DCAKD: variants seen among roughly 807,000 people sequenced by gnomAD.
DCAKD encodes the protein dephospho-CoA kinase domain-containing protein.
In DCAKD, 15 loss-of-function variants were observed where a neutral mutation model predicts 18.7. The observed-to-expected ratio is 0.80, with a 90% CI of 0.54 to 1.24. The LOEUF (loss-of-function observed/expected upper bound fraction) is 1.24, where lower values mean the gene tolerates loss of function less well. DCAKD is among the 50% of genes most tolerant of loss of function. The pLI, the probability that DCAKD is intolerant of heterozygous loss-of-function variation, is 0.00. For synonymous variants in DCAKD, 130 were observed against 133.0 expected (o/e 0.98, Z 0.16); for missense variants, 301 against 322.0 (o/e 0.93, Z 0.50).
chr17:45,034,879 G>C lies in DCAKD; in HGVS notation c.7C>G (p.Leu3Val). Reference protein sequence around the residue: MFLVGLTGGIASG... With the variant: MFVVGLTGGIASG... ...GCAATGCCCCCTGTCAGGCCCACCA[G>C]AAACATCTTCCAGGAAAGAGAGCTG... The change falls in exon 2 of 5, where the codon CTG becomes GTG. Residue 3 changes from leucine (L) to valine (V), a missense_variant. Physicochemically the swap from Leu to Val is conservative, Grantham distance 32 (BLOSUM62 1). Transcript: ENST00000651974. 6.2e-7 allele frequency: 1 copy of C among 1,614,172 alleles called. No homozygotes were observed. The highest frequency in any genetic ancestry group is 8.5e-7 in the Non-Finnish European group (1 of 1,180,022).
At chr17:45,052,652 C>T (rs2053730910), upstream of DCAKD, among the ~76,000 whole-genome samples, 2 of 148,900 alleles carry the variant, frequency 1.3e-5, no homozygotes, top group Non-Finnish European at 3.0e-5. Flanking sequence ...CCCAGGAGTT[C>T]GAGACCAGCC....
upstream of DCAKD, among the ~76,000 whole-genome samples, chr17:45,054,448 A>G (rs1198835286): frequency 6.6e-6 from 1 of 152,000 alleles, no homozygotes; most frequent in African/African-American, 2.4e-5. Flanking sequence ...GGGTTTCACC[A>G]TGCTGGCCAT....
intron 1 of DCAKD, among the ~76,000 whole-genome samples, chr17:45,043,666 T>C (rs114219936): frequency 2.8e-4 from 42 of 152,342 alleles, no homozygotes; most frequent in African/African-American, 9.4e-4. Flanking sequence ...GTGCCCTCCA[T>C]TTAAGTCCTA....
chr17:45,032,222 CAA>C, intron 3 of DCAKD: 2 of 669,178 alleles, frequency 3.0e-6, no homozygotes, highest in Non-Finnish European at 3.7e-6. Context: ...GGAGGCAGCA[CAA>C]AGAGTCCAGA....
intron 1 of DCAKD, 61 bp downstream of exon 1, chr17:45,051,300 T>C (rs1449256600): frequency 6.6e-6 from 1 of 152,226 alleles, no homozygotes; most frequent in Non-Finnish European, 1.5e-5. Flanking sequence ...ACAGAGGAAA[T>C]AACACGTTGC....
At chr17:45,043,457 G>A (rs960052299) in intron 1 of DCAKD, among the ~76,000 whole-genome samples, 17 of 152,132 alleles carry the variant, frequency 1.1e-4, no homozygotes, top group Admixed American at 9.8e-4. Context: ...CAGGCTGGGC[G>A]GTAAGCCAAG....
chr17:45,038,088 T>A (rs1467272759), intron 1 of DCAKD, among the ~76,000 whole-genome samples: 1 of 151,824 alleles, frequency 6.6e-6, no homozygotes, highest in Non-Finnish European at 1.5e-5. Context: ...TTTCTTTTCT[T>A]TTCTTGAGAC....
intron 1 of DCAKD, among the ~76,000 whole-genome samples, chr17:45,039,883 A>G (rs1221567811): frequency 1.3e-5 from 2 of 152,256 alleles, no homozygotes; most frequent in African/African-American, 4.8e-5. Context: ...ACTTGAGGCC[A>G]GGAGTTCGAG....
intron 1 of DCAKD, among the ~76,000 whole-genome samples, chr17:45,042,767 T>C (rs950379177): frequency 5.3e-5 from 8 of 152,234 alleles, no homozygotes; most frequent in Non-Finnish European, 8.8e-5. Flanking sequence ...CCAAGTTCTC[T>C]TCGTGGGCTA....
chr17:45,057,702 C>CA (rs778179170), intron 1 of DCAKD, among the ~76,000 whole-genome samples: 1,600 of 76,668 alleles, frequency 0.021, 26 homozygotes, highest in South Asian at 0.052. Context: ...GACTCCATCT[C>CA]AAAAAAAAAA....
intron 3 of DCAKD, among the ~76,000 whole-genome samples, chr17:45,033,459 C>T (rs1303324092): frequency 2.6e-5 from 4 of 151,974 alleles, no homozygotes; most frequent in South Asian, 2.1e-4. Context: ...AACATGCTCA[C>T]GTTGGATTTT....
At chr17:45,046,130 A>G (rs1211907854) in intron 1 of DCAKD, among the ~76,000 whole-genome samples, 1 of 152,104 alleles carries the variant, frequency 6.6e-6, no homozygotes, top group Non-Finnish European at 1.5e-5. Flanking sequence ...GCCTGGCAAC[A>G]TCAACTATTT....
chr17:45,033,848 G>A, intron 3 of DCAKD: 1 of 1,240,310 alleles, frequency 8.1e-7, no homozygotes, highest in African/African-American at 1.5e-5. Context: ...CAGCTAGAAA[G>A]TCAGGGTTGG....
chr17:45,052,524 C>T (rs1206890341), upstream of DCAKD, among the ~76,000 whole-genome samples: 3 of 152,168 alleles, frequency 2.0e-5, no homozygotes, highest in Non-Finnish European at 4.4e-5. Flanking sequence ...AGCCTCTCAT[C>T]CTGTCTCCTC....
At chr17:45,056,681 G>A (rs1567855454) in intron 1 of DCAKD, among the ~76,000 whole-genome samples, 1 of 152,080 alleles carries the variant, frequency 6.6e-6, no homozygotes, top group Non-Finnish European at 1.5e-5. Context: ...CACCACGTTG[G>A]CCAGGCTGGT....
At chr17:45,050,264 G>A (rs1034343277) in intron 1 of DCAKD, among the ~76,000 whole-genome samples, 25 of 151,186 alleles carry the variant, frequency 1.7e-4, no homozygotes, top group African/African-American at 5.4e-4. Context: ...GGCTGGTCTC[G>A]AACTCCTAAC....
At chr17:45,039,964 A>G (rs1332205122) in intron 1 of DCAKD, among the ~76,000 whole-genome samples, 1 of 152,042 alleles carries the variant, frequency 6.6e-6, no homozygotes, top group African/African-American at 2.4e-5. Context: ...GTGGTGGTGC[A>G]TGCCTGTAAT....
chr17:45,034,453 G>A (rs1442446833), intron 2 of DCAKD, 63 bp from the exon 3 acceptor site: 5 of 1,574,340 alleles, frequency 3.2e-6, no homozygotes, highest in Admixed American at 3.5e-5. Flanking sequence ...GAGGACCTCA[G>A]TGACCAGGGG....
At chr17:45,027,517 C>A (rs903935722) in intron 4 of DCAKD, among the ~76,000 whole-genome samples, 2 of 152,240 alleles carry the variant, frequency 1.3e-5, no homozygotes, top group Non-Finnish European at 2.9e-5. Context: ...AAGAGTTATA[C>A]ACCCACACCC....
Sources: allele counts gnomAD v4.1 joint callset (sites outside exome capture counted in the v4.1 genomes callset), GRCh38; gene constraint gnomAD v4.1.1; transcripts MANE v1.5; gene names NCBI Gene and HGNC (gene_info 2026-07-23, HGNC 2026-07-21).